Variants in CEACAM5 observed in about 807,000 individuals in gnomAD.
CEACAM5 encodes CEA cell adhesion molecule 5, also known as cell adhesion molecule CEACAM5.
Under a neutral mutation model 63.0 loss-of-function variants are expected in CEACAM5, and 52 were observed. The observed-to-expected ratio is 0.83, with a 90% CI of 0.66 to 1.04. The LOEUF (loss-of-function observed/expected upper bound fraction) is 1.04. CEACAM5 is among the 50% of genes least tolerant of loss of function. The pLI is 0.00. For missense variants in CEACAM5, 790 were observed against 864.8 expected (o/e 0.91, Z 1.08); for synonymous variants, 357 against 351.3 (o/e 1.02, Z -0.18).
chr19:41,718,312 C>T lies in CEACAM5; in HGVS notation c.1422C>T (p.Leu474=). The change falls in exon 6 of 10, where the codon CTC becomes CTT. Residue 474 remains leucine, a synonymous_variant. Transcript: ENST00000221992. ...ACATCACTGAGAAGAACAGCGGACT[C>T]TATACCTGCCAGGCCAATAACTCAG... ...ISNITEKNSG[L]YTCQANNSAS... The T allele has an allele frequency of 6.2e-7, 1 of 1,614,200 alleles. No homozygotes were observed. Among genetic ancestry groups the T allele is most frequent in the Middle Eastern group, 1.6e-4 (1 of 6,062 alleles).
Position 41,717,405 on chromosome 19 carries a change from A to G in CEACAM5, c.959-50A>G, listed in dbSNP as rs10407083. On this transcript the variant is annotated intron_variant, in intron 4 of 9. Coordinates refer to ENST00000221992, the MANE Select transcript of CEACAM5 (RefSeq NM_004363.6). ...AACTCTGATTGATAGATGCCCGTGG[A>G]GGAATCACAGGTGCCACACAGGGCA... 8.5e-3 allele frequency: 13,439 copies of G among 1,572,788 alleles called. 1,012 individuals carry two copies. In the African/African-American group the frequency reaches 0.16, roughly 19 times the overall value.
chr19:41,717,172 G>T (rs2072539960), intron 4 of CEACAM5, among the ~76,000 whole-genome samples: 1 of 152,226 alleles, frequency 6.6e-6, no homozygotes, highest in Non-Finnish European at 1.5e-5. Flanking sequence ...GACCAGAAGT[G>T]CTGGGGGCTG....
chr19:41,711,319 G>A (rs532170279), intron 2 of CEACAM5, among the ~76,000 whole-genome samples: 11 of 152,216 alleles, frequency 7.2e-5, no homozygotes, highest in African/African-American at 1.7e-4. Flanking sequence ...TCACTCCCAC[G>A]GAAGGATAAA....
rs548819744 is a variant in CEACAM5, at chr19:41,723,810, G to A, written c.2026+2634G>A. On this transcript the variant is annotated intron_variant, in intron 8 of 9. Transcript: ENST00000221992. Reference sequence around the variant, plus strand: ...AAAATACAAAAAAAATTATCCAGGCGTGGTGGTGGGCGCCTGTAGTCCCAG... The same window carrying A: ...AAAATACAAAAAAAATTATCCAGGCATGGTGGTGGGCGCCTGTAGTCCCAG... Among the ~76,000 whole-genome samples, 6 of 152,000 alleles carry A rather than the reference G, an allele frequency of 3.9e-5. No homozygotes were observed. The East Asian group carries it at 7.8e-4, about 20-fold the overall frequency.
rs1203782880 is a variant in CEACAM5 at position 41,730,166 on chromosome 19, A to T, written c.*1019A>T. Among the ~76,000 whole-genome samples, 3 of 152,108 alleles carry T rather than the reference A, an allele frequency of 2.0e-5. No individual in the cohort carries two copies. Among genetic ancestry groups the T allele is most frequent in the East Asian group, 3.9e-4 (2 of 5,192 alleles). ...CCGGGCGCGGTGGCTCACGCCTGTA[A>T]TCCCAGCACTTTGATCCGCCGAGGC... On this transcript the variant is annotated 3_prime_UTR_variant, in exon 10 of 10. Coordinates refer to ENST00000221992, the MANE Select transcript of CEACAM5 (RefSeq NM_004363.6).
At chr19:41,723,402 T>G (rs2072655168) in intron 8 of CEACAM5, among the ~76,000 whole-genome samples, 1 of 152,186 alleles carries the variant, frequency 6.6e-6, no homozygotes. Flanking sequence ...CTTGCATATC[T>G]CTAAGTGTTA....
intron 8 of CEACAM5, 63 bp from the exon 9 acceptor site, chr19:41,727,171 A>G (rs2072711448): frequency 8.3e-7 from 1 of 1,201,344 alleles, no homozygotes; most frequent in African/African-American, 1.5e-5. Flanking sequence ...AACCTGGGGC[A>G]CCCCACTGTA....
In CEACAM5 at chr19:41,720,248, C is replaced by A. The variant is rs372914012; in HGVS notation, c.1771+40C>A. On this transcript the variant is annotated intron_variant, in intron 7 of 9. Transcript: ENST00000221992. Reference sequence around the variant, plus strand: ...TTCCTCTGTGGCCCTGGTTTCCAACCCAAATCCACACAGCCAGAGGCCAGG... The same window carrying A: ...TTCCTCTGTGGCCCTGGTTTCCAACACAAATCCACACAGCCAGAGGCCAGG... The A allele has an allele frequency of 6.9e-6, 11 of 1,597,904 alleles. No individual in the cohort carries two copies. The African/African-American group carries it at 1.5e-4, about 21-fold the overall frequency.
intron 8 of CEACAM5, among the ~76,000 whole-genome samples, chr19:41,725,483 C>T (rs2072687523): frequency 6.6e-6 from 1 of 151,804 alleles, no homozygotes; most frequent in Admixed American, 6.6e-5. Context: ...TGATCTTCTG[C>T]CCCAGCCTCT....
intron 6 of CEACAM5, 83 bp from the exon 7 acceptor site, chr19:41,719,847 G>T: frequency 6.3e-7 from 1 of 1,586,832 alleles, no homozygotes; most frequent in South Asian, 1.2e-5. Flanking sequence ...CTGAAGGGTG[G>T]GAGTTGCCAA....
chr19:41,715,182 C>T lies in CEACAM5; in HGVS notation c.636C>T (p.Ser212=). 1 of 1,614,226 alleles carries T rather than the reference C, an allele frequency of 6.2e-7. No individual in the cohort carries two copies. Among genetic ancestry groups the T allele is most frequent in the Non-Finnish European group, 8.5e-7 (1 of 1,180,052 alleles). The change falls in exon 3 of 10, where the codon AGC becomes AGT. Residue 212 remains serine (S), a synonymous_variant. Transcript: ENST00000221992. Reference sequence around the variant, plus strand: ...ATGTCACAAGAAATGACACAGCAAGCTACAAATGTGAAACCCAGAACCCAG... The same window carrying T: ...ATGTCACAAGAAATGACACAGCAAGTTACAAATGTGAAACCCAGAACCCAG... ...LFNVTRNDTA[S]YKCETQNPVS...
At position 41,730,286 on chromosome 19, in the gene CEACAM5, G is replaced by A. The variant is rs1247189559; in HGVS notation, c.*1139G>A. Among the ~76,000 whole-genome samples, 6 of 152,092 alleles carry A rather than the reference G, an allele frequency of 3.9e-5. No individual in the cohort carries two copies. The highest frequency in any genetic ancestry group is 1.4e-4 in the African/African-American group (6 of 41,412). On this transcript the variant is annotated 3_prime_UTR_variant, in exon 10 of 10. Coordinates refer to ENST00000221992, the MANE Select transcript of CEACAM5 (RefSeq NM_004363.6). The stretch of plus-strand genomic sequence containing the variant: ...ATACAAAAAAAGTTAGCCGGGCGTG[G>A]TGGTGGGGGCCTGTAGTCCCAGCTA...
rs189541728 is a variant in CEACAM5, at chr19:41,718,394, C to T, written c.1492+12C>T. 32 of 1,613,030 alleles carry T rather than the reference C, an allele frequency of 2.0e-5. 1 individual carries two copies. The East Asian group carries it at 6.0e-4, about 30-fold the overall frequency. On this transcript the variant is annotated intron_variant, in intron 6 of 9. Transcript: ENST00000221992. ...AATCACAGTCTCTGGTAAGTGGATC[C>T]CTGGACCGTTAGCAATATGTTCTGG... is the stretch of plus-strand genomic sequence containing the variant.
intron 8 of CEACAM5, 87 bp from the exon 9 acceptor site, chr19:41,727,147 A>G: frequency 1.0e-6 from 1 of 980,820 alleles, no homozygotes; most frequent in Non-Finnish European, 1.7e-6. Flanking sequence ...AGACTGCTTC[A>G]TGCTGAGAGC....
intron 2 of CEACAM5, among the ~76,000 whole-genome samples, chr19:41,710,635 G>A (rs572296303): frequency 6.6e-6 from 1 of 152,138 alleles, no homozygotes; most frequent in East Asian, 1.9e-4. Flanking sequence ...GAGACTCAAT[G>A]TGGGGAGGAT....
intron 2 of CEACAM5, among the ~76,000 whole-genome samples, chr19:41,712,390 A>G (rs1457705685): frequency 6.6e-6 from 1 of 152,210 alleles, no homozygotes; most frequent in Non-Finnish European, 1.5e-5. Flanking sequence ...CCAGTTACAA[A>G]AACTTAAACT....
chr19:41,708,681 T>C lies in CEACAM5; in HGVS notation c.-51T>C. The C allele has an allele frequency of 6.4e-7, 1 of 1,551,694 alleles. No homozygotes were observed. The highest frequency in any genetic ancestry group is 8.8e-7 in the Non-Finnish European group (1 of 1,132,384). On this transcript the variant is annotated 5_prime_UTR_variant, in exon 1 of 10. Coordinates refer to ENST00000221992, the MANE Select transcript of CEACAM5 (RefSeq NM_004363.6). The stretch of plus-strand genomic sequence containing the variant: ...CACAGCAGCCTTGACAAAACGTTCC[T>C]GGAACTCAAGCTCTTCTCCACAGAG...
At chr19:41,713,318 G>A (rs1239530372) in intron 2 of CEACAM5, among the ~76,000 whole-genome samples, 1 of 151,458 alleles carries the variant, frequency 6.6e-6, no homozygotes, top group Non-Finnish European at 1.5e-5. Flanking sequence ...AAAAGAAAAA[G>A]AAAGAAAAGA....
Position 41,708,783 on chromosome 19 carries a change from C to T in CEACAM5, c.52C>T (p.Leu18Phe), listed in dbSNP as rs1336523706. The change falls in exon 1 of 10, where the codon CTC becomes TTC. Residue 18 changes from leucine to phenylalanine, a missense_variant. By Grantham distance (22) the Leu-to-Phe change is conservative (BLOSUM62 0). Transcript: ENST00000221992. Reference protein sequence around the residue: ...PHRWCIPWQRLLLTASLLTFW... With the variant: ...PHRWCIPWQRFLLTASLLTFW... ...CAGATGGTGCATCCCCTGGCAGAGG[C>T]TCCTGCTCACAGGTGAAGGGAGGAC... The T allele has an allele frequency of 6.2e-7, 1 of 1,611,608 alleles. No individual in the cohort carries two copies. Among genetic ancestry groups the T allele is most frequent in the Non-Finnish European group, 8.5e-7 (1 of 1,178,790 alleles).
Sources: gnomAD v4.1 joint callset for allele counts (sites outside exome capture counted in the v4.1 genomes callset) on GRCh38, gnomAD v4.1.1 for gene constraint, MANE v1.5 for transcripts, NCBI Gene and HGNC (gene_info 2026-07-23, HGNC 2026-07-21) for gene names.